Variants in EYA1 observed in about 807,000 individuals in gnomAD.
The protein encoded by EYA1 is EYA transcriptional coactivator and phosphatase 1.
In EYA1, 16 loss-of-function variants were observed where a neutral mutation model predicts 82.0. The ratio of observed to expected loss-of-function variants is 0.20; its 90% CI spans 0.13 to 0.30. The LOEUF is 0.30. Ranked by LOEUF, EYA1 falls within the 10% of genes least tolerant of loss-of-function variation. EYA1 has a pLI of 1.00. For missense variants in EYA1, 633 were observed against 730.7 expected (o/e 0.87, Z 1.54); for synonymous variants, 261 against 264.4 (o/e 0.99, Z 0.12).
intron 7 of EYA1, among the ~76,000 whole-genome samples, chr8:71,303,824 C>A (rs1820455369): frequency 7.0e-6 from 1 of 142,650 alleles, no homozygotes; most frequent in Admixed American, 7.0e-5. Flanking sequence ...CACCTATACT[C>A]CACAACAACT....
At chr8:71,388,408 GGAGCACACAGTGCTCCT>G (rs1829086775) in intron 2 of EYA1, among the ~76,000 whole-genome samples, 1 of 152,132 alleles carries the variant, frequency 6.6e-6, no homozygotes, top group African/African-American at 2.4e-5. Context: ...AGAAAGCCAA[GGAGCACACAGTGCTCCT>G]AAACAGTGAG....
chr8:71,359,573 A>C (rs1827191701), intron 1 of EYA1, among the ~76,000 whole-genome samples: 1 of 152,172 alleles, frequency 6.6e-6, no homozygotes, highest in Non-Finnish European at 1.5e-5. Flanking sequence ...TGAAGCCAAA[A>C]AGTTAATAAT....
chr8:71,289,821 A>G (rs1239508530), intron 9 of EYA1, among the ~76,000 whole-genome samples: 3 of 152,236 alleles, frequency 2.0e-5, no homozygotes, highest in Non-Finnish European at 4.4e-5. Flanking sequence ...ATAACCCACA[A>G]CAAAAATACT....
chr8:71,242,424 C>A (rs1306419815), intron 12 of EYA1, among the ~76,000 whole-genome samples: 2 of 152,030 alleles, frequency 1.3e-5, no homozygotes, highest in Admixed American at 1.3e-4. Flanking sequence ...TTGAATTATA[C>A]CTTCATTCTC....
At chr8:71,386,312 C>A (rs1005156642) in intron 2 of EYA1, among the ~76,000 whole-genome samples, 1 of 152,142 alleles carries the variant, frequency 6.6e-6, no homozygotes, top group African/African-American at 2.4e-5. Flanking sequence ...AGGGATAGGG[C>A]AAAATGCACT....
intron 2 of EYA1, among the ~76,000 whole-genome samples, chr8:71,526,200 A>C (rs1813803787): frequency 6.7e-6 from 1 of 149,464 alleles, no homozygotes; most frequent in African/African-American, 2.4e-5. Context: ...AACAGGAGAA[A>C]GAAGAGTCAT....
At chr8:71,282,276 T>C (rs1001125819) in intron 9 of EYA1, among the ~76,000 whole-genome samples, 2 of 152,196 alleles carry the variant, frequency 1.3e-5, no homozygotes, top group Non-Finnish European at 1.5e-5. Flanking sequence ...ACAAGCTAGA[T>C]AGATTTCTTG....
chr8:71,322,335 C>T, intron 4 of EYA1, 67 bp from the exon 5 acceptor site: 1 of 1,350,626 alleles, frequency 7.4e-7, no homozygotes, highest in Non-Finnish European at 1.1e-6. Flanking sequence ...ATATAGAAAG[C>T]ACTGACATAT....
At chr8:71,393,794 T>C (rs374244958) in intron 2 of EYA1, among the ~76,000 whole-genome samples, 93 of 152,358 alleles carry the variant, frequency 6.1e-4, no homozygotes, top group African/African-American at 2.2e-3. Context: ...TTTATAATCC[T>C]TTGGGTATAT....
At position 71,386,910 on chromosome 8, in the gene EYA1, A is replaced by G. The variant is rs115275474; in HGVS notation, c.34-30399T>C. 4.3e-3 allele frequency among the ~76,000 whole-genome samples: 657 copies of G among 152,350 alleles called. 2 individuals carry two copies. The highest frequency in any genetic ancestry group is 0.015 in the African/African-American group (631 of 41,580). ...TTTATTCTCAATCAGACAACTTAGTATCATCTTGCTGACTGTAGCTTTGTG... is the reference window on the plus strand; with the variant it reads ...TTTATTCTCAATCAGACAACTTAGTGTCATCTTGCTGACTGTAGCTTTGTG... On this transcript the variant is annotated intron_variant, in intron 2 of 18. Coordinates refer to the EYA1 transcript ENST00000643681.
At chr8:71,359,895 T>C (rs540214304) in intron 1 of EYA1, among the ~76,000 whole-genome samples, 2 of 152,308 alleles carry the variant, frequency 1.3e-5, no homozygotes, top group South Asian at 2.1e-4. Flanking sequence ...ATGTATTTTA[T>C]GTAAAAAAAA....
At chr8:71,419,234 A>G (rs1267123640) in intron 2 of EYA1, among the ~76,000 whole-genome samples, 3 of 152,216 alleles carry the variant, frequency 2.0e-5, no homozygotes, top group African/African-American at 7.2e-5. Flanking sequence ...AAGGGAACCA[A>G]ATAAGGAACT....
At chr8:71,298,911 G>A in intron 9 of EYA1, 136 bp downstream of exon 9, 1 of 740,028 alleles carries the variant, frequency 1.4e-6, no homozygotes, top group Non-Finnish European at 2.4e-6. Context: ...CCACAGTCAT[G>A]CTGCTTGACT....
chr8:71,482,016 C>T (rs1056160888), intron 2 of EYA1, among the ~76,000 whole-genome samples: 6 of 152,114 alleles, frequency 3.9e-5, no homozygotes, highest in African/African-American at 1.4e-4. Context: ...ACATAAAAAG[C>T]ACTATTGATT....
rs568300509 is a variant in EYA1 at position 71,334,645 on chromosome 8, C to A, written c.125-471G>T. Among the ~76,000 whole-genome samples the A allele has an allele frequency of 5.1e-4, 78 of 152,278 alleles. 1 individual carries two copies. The highest frequency in any genetic ancestry group is 1.5e-5 in the Non-Finnish European group (1 of 68,016). ...AGGGCAAGGTCTCCCCCACCACACA[C>A]ACACACACCTTCTGGGTTCTCCAGC... On this transcript the variant is annotated intron_variant, in intron 3 of 17. Transcript: ENST00000340726.
rs1048500988 is a variant in EYA1, at chr8:71,302,788, T to A, written c.557-3068A>T. ...CAGCAGCCTCCTCTACTGGTTTCTT[T>A]ACCCATCTTTGGGTACTGTCCAGCC... On this transcript the variant is annotated intron_variant, in intron 7 of 17. Coordinates refer to ENST00000340726, the MANE Select transcript of EYA1 (RefSeq NM_000503.6). Among the ~76,000 whole-genome samples the A allele has an allele frequency of 2.3e-4, 33 of 142,028 alleles. 2 individuals are homozygous for A. The highest frequency in any genetic ancestry group is 7.9e-4 in the African/African-American group (32 of 40,262). The allele number at this position is 142,028 out of a possible 152,430, so 93.2% of individuals were successfully genotyped here. A position where few individuals can be genotyped will look rare whatever the true frequency, so the allele number is the denominator to read the frequency against.
intron 3 of EYA1, among the ~76,000 whole-genome samples, chr8:71,347,339 T>C (rs1825839731): frequency 6.6e-6 from 1 of 152,164 alleles, no homozygotes; most frequent in Non-Finnish European, 1.5e-5. Context: ...TTTATTTATT[T>C]TGAGATAGAG....
chr8:71,422,737 G>T (rs1272496624), intron 2 of EYA1, among the ~76,000 whole-genome samples: 1 of 152,052 alleles, frequency 6.6e-6, no homozygotes, highest in African/African-American at 2.4e-5. Flanking sequence ...ATGAGTTGAA[G>T]GGGAAAAGCC....
At chr8:71,450,004 T>C (rs980251151) in intron 2 of EYA1, among the ~76,000 whole-genome samples, 2 of 152,210 alleles carry the variant, frequency 1.3e-5, no homozygotes, top group African/African-American at 2.4e-5. Context: ...CTTCAGATAA[T>C]TGAAGAGAGT....
Sources: allele counts gnomAD v4.1 joint callset (sites outside exome capture counted in the v4.1 genomes callset), GRCh38; gene constraint gnomAD v4.1.1; transcripts MANE v1.5; gene names NCBI Gene and HGNC (gene_info 2026-07-23, HGNC 2026-07-21).